The following WDR7 variants were observed in gnomAD, a reference collection of about 807,000 sequenced individuals.
The protein encoded by WDR7 is WD repeat-containing protein 7.
Under a neutral mutation model 169.4 loss-of-function variants are expected in WDR7, and 46 were observed. The ratio of observed to expected loss-of-function variants is 0.27; its 90% CI spans 0.21 to 0.35. WDR7 has a LOEUF of 0.35. Among genes scored for constraint, WDR7 ranks in the 10% least tolerant of loss-of-function variants. WDR7 has a pLI of 1.00. For missense variants in WDR7, 1,534 were observed against 1,859.3 expected (o/e 0.83, Z 3.22); for synonymous variants, 612 against 666.8 (o/e 0.92, Z 1.27).
intron 7 of WDR7, among the ~76,000 whole-genome samples, chr18:56,690,746 T>C (rs1202949944): frequency 6.6e-6 from 1 of 152,024 alleles, no homozygotes; most frequent in Non-Finnish European, 1.5e-5. Flanking sequence ...GCCCAGGAGT[T>C]TGAGGTTGCA....
At chr18:56,779,118 A>G (rs1041971351) in intron 17 of WDR7, among the ~76,000 whole-genome samples, 4 of 152,218 alleles carry the variant, frequency 2.6e-5, no homozygotes, top group African/African-American at 9.6e-5. Flanking sequence ...CCATTCTTTA[A>G]TATATATTTT....
chr18:56,938,215 G>A (rs186850563), intron 23 of WDR7, among the ~76,000 whole-genome samples: 187 of 152,224 alleles, frequency 1.2e-3, no homozygotes, highest in Non-Finnish European at 2.2e-3. Flanking sequence ...TACTTCCTGG[G>A]CATCTGCCAA....
intron 19 of WDR7, among the ~76,000 whole-genome samples, chr18:56,805,354 G>A (rs577930401): frequency 2.0e-5 from 3 of 152,204 alleles, no homozygotes; most frequent in African/African-American, 7.2e-5. Context: ...CCAGAATCGG[G>A]CTTTCAGGAT....
chr18:57,033,534 TCC>T (rs1234629575), downstream of WDR7: 1 of 152,254 alleles, frequency 6.6e-6, no homozygotes, highest in Non-Finnish European at 1.5e-5. Flanking sequence ...AAAAGATTTT[TCC>T]GGCTTTAGTG....
intron 19 of WDR7, among the ~76,000 whole-genome samples, chr18:56,782,898 T>G (rs1255537344): frequency 2.0e-5 from 3 of 152,168 alleles, no homozygotes; most frequent in Non-Finnish European, 4.4e-5. Context: ...AATAGGACTT[T>G]ATAGGGTTAT....
chr18:56,920,601 T>G (rs985155642), intron 21 of WDR7, among the ~76,000 whole-genome samples: 3 of 152,210 alleles, frequency 2.0e-5, no homozygotes, highest in African/African-American at 7.2e-5. Context: ...TGGAGAACCT[T>G]TAAGAAGGGA....
intron 19 of WDR7, among the ~76,000 whole-genome samples, chr18:56,802,222 A>G (rs1374376213): frequency 6.6e-6 from 1 of 152,114 alleles, no homozygotes. Context: ...TGTTGAACAT[A>G]CTTTCATATG....
At chr18:56,933,562 T>C (rs1331423738) in intron 22 of WDR7, among the ~76,000 whole-genome samples, 1 of 152,226 alleles carries the variant, frequency 6.6e-6, no homozygotes, top group Non-Finnish European at 1.5e-5. Context: ...CTAAGTATTA[T>C]AACATATCAC....
At chr18:56,661,733 A>G (rs1333041506) in intron 1 of WDR7, among the ~76,000 whole-genome samples, 1 of 152,138 alleles carries the variant, frequency 6.6e-6, no homozygotes, top group African/African-American at 2.4e-5. Context: ...TTCTGGAAAC[A>G]CTTTGTTATA....
At chr18:56,941,036 G>A (rs2047029703) in intron 25 of WDR7, among the ~76,000 whole-genome samples, 1 of 152,166 alleles carries the variant, frequency 6.6e-6, no homozygotes. Flanking sequence ...GCGGAAAGGA[G>A]TTCTATTTTG....
At chr18:56,682,418 A>G (rs546716728) in intron 4 of WDR7, among the ~76,000 whole-genome samples, 1 of 152,192 alleles carries the variant, frequency 6.6e-6, no homozygotes, top group African/African-American at 2.4e-5. Context: ...CACGAATTCT[A>G]TTTCAAAATA....
At chr18:56,805,511 A>G (rs1033439120) in intron 19 of WDR7, among the ~76,000 whole-genome samples, 1 of 152,154 alleles carries the variant, frequency 6.6e-6, no homozygotes, top group Non-Finnish European at 1.5e-5. Flanking sequence ...GGATTATGGC[A>G]TTTGGGATTG....
intron 26 of WDR7, among the ~76,000 whole-genome samples, chr18:56,973,715 A>G (rs2047524495): frequency 6.6e-6 from 1 of 152,214 alleles, no homozygotes; most frequent in African/African-American, 2.4e-5. Flanking sequence ...TGACTCTGTC[A>G]TTCCTGATAG....
At chr18:56,792,612 G>GTTT (rs71169398) in intron 19 of WDR7, among the ~76,000 whole-genome samples, 12 of 134,094 alleles carry the variant, frequency 8.9e-5, no homozygotes, top group East Asian at 6.5e-4. Flanking sequence ...TTAAATCTTT[G>GTTT]TTTTTTTTTT....
intron 26 of WDR7, among the ~76,000 whole-genome samples, chr18:57,009,006 T>C (rs546120814): frequency 6.7e-6 from 1 of 149,794 alleles, no homozygotes; most frequent in Non-Finnish European, 1.5e-5. Context: ...CAAATTTTAA[T>C]CCACTAAGTG....
intron 14 of WDR7, among the ~76,000 whole-genome samples, chr18:56,743,611 G>A (rs2043653709): frequency 6.6e-6 from 1 of 152,214 alleles, no homozygotes; most frequent in South Asian, 2.1e-4. Context: ...TTCCCAGGAT[G>A]TTGGAAGGAG....
intron 26 of WDR7, among the ~76,000 whole-genome samples, chr18:56,988,008 C>A (rs1453111647): frequency 6.6e-6 from 1 of 152,114 alleles, no homozygotes; most frequent in Non-Finnish European, 1.5e-5. Context: ...TCTGGGAATG[C>A]AGACTGGGTT....
intron 26 of WDR7, among the ~76,000 whole-genome samples, chr18:56,987,275 T>C (rs1283407777): frequency 8.4e-6 from 1 of 119,740 alleles, no homozygotes; most frequent in Non-Finnish European, 1.7e-5. Context: ...TTAAGCCTTA[T>C]CATCTGTACC....
intron 1 of WDR7, among the ~76,000 whole-genome samples, chr18:56,669,561 C>T (rs964470728): frequency 6.6e-6 from 1 of 151,978 alleles, no homozygotes; most frequent in African/African-American, 2.4e-5. Context: ...TTAGAAGCAT[C>T]TAGTCTAAGA....
Sources: gnomAD v4.1 joint callset for allele counts (sites outside exome capture counted in the v4.1 genomes callset) on GRCh38, gnomAD v4.1.1 for gene constraint, MANE v1.5 for transcripts, NCBI Gene and HGNC (gene_info 2026-07-23, HGNC 2026-07-21) for gene names.